The following SOX5 variants were observed in gnomAD, a reference collection of about 807,000 sequenced individuals.
SOX5 encodes transcription factor SOX-5.
SOX5 carries 9 observed loss-of-function variants against 92.0 expected under a neutral mutation model. The observed-to-expected ratio is 0.10, with a 90% confidence interval of 0.06 to 0.17. SOX5 has a LOEUF of 0.17. SOX5 is among the 10% of genes least tolerant of loss of function. SOX5 has a pLI of 1.00. For synonymous variants in SOX5, 344 were observed against 336.3 expected (o/e 1.02, Z -0.25); for missense variants, 642 against 944.5 (o/e 0.68, Z 4.20).
chr12:24,392,643 A>G (rs1233355643), intron 1 of SOX5, among the ~76,000 whole-genome samples: 1 of 151,944 alleles, frequency 6.6e-6, no homozygotes, highest in Non-Finnish European at 1.5e-5. Context: ...ATTAATCGCT[A>G]TCTTCACCTA....
intron 3 of SOX5, among the ~76,000 whole-genome samples, chr12:23,807,455 A>G (rs1441915119): frequency 6.6e-6 from 1 of 152,140 alleles, no homozygotes; most frequent in Non-Finnish European, 1.5e-5. Flanking sequence ...AAAAAATCAC[A>G]AGATAACAGA....
intron 4 of SOX5, among the ~76,000 whole-genome samples, chr12:24,158,167 C>T (rs1952386560): frequency 1.3e-5 from 2 of 151,984 alleles, no homozygotes; most frequent in Non-Finnish European, 2.9e-5. Flanking sequence ...GTAGGTCATA[C>T]TAGCATTCCC....
intron 2 of SOX5, among the ~76,000 whole-genome samples, chr12:23,851,647 T>C (rs779687574): frequency 2.0e-5 from 3 of 152,120 alleles, no homozygotes; most frequent in Non-Finnish European, 4.4e-5. Context: ...ACATAGCTAA[T>C]TGTACTTAGG....
intron 1 of SOX5, among the ~76,000 whole-genome samples, chr12:24,522,934 A>G (rs1348861828): frequency 6.6e-6 from 1 of 151,608 alleles, no homozygotes; most frequent in African/African-American, 2.4e-5. Flanking sequence ...CAACGTAAGG[A>G]AAAAAAAAGA....
chr12:23,766,126 A>G (rs2094718542), intron 3 of SOX5, among the ~76,000 whole-genome samples: 1 of 152,212 alleles, frequency 6.6e-6, no homozygotes, highest in Non-Finnish European at 1.5e-5. Context: ...ATGCTACTAT[A>G]GCAGTATTCC....
At chr12:24,216,032 A>T in intron 3 of SOX5, among the ~76,000 whole-genome samples, 1 of 152,316 alleles carries the variant, frequency 6.6e-6, no homozygotes, top group Non-Finnish European at 1.5e-5. Flanking sequence ...AAGTATTAAT[A>T]TATTTTTAAA....
intron 1 of SOX5, among the ~76,000 whole-genome samples, chr12:24,474,751 G>C (rs1945180037): frequency 6.6e-6 from 1 of 151,950 alleles, no homozygotes; most frequent in African/African-American, 2.4e-5. Flanking sequence ...GGCCATGCTG[G>C]TCTCGAACTC....
chr12:24,032,655 G>T (rs1955626163), intron 4 of SOX5, among the ~76,000 whole-genome samples: 2 of 151,698 alleles, frequency 1.3e-5, no homozygotes, highest in Non-Finnish European at 2.9e-5. Context: ...CATTCAACCA[G>T]GCCATGCCAG....
At chr12:24,347,681 A>G (rs924152043) in intron 2 of SOX5, among the ~76,000 whole-genome samples, 2 of 152,362 alleles carry the variant, frequency 1.3e-5, no homozygotes, top group African/African-American at 4.8e-5. Context: ...AAGAAAATGT[A>G]TCTAAATGAT....
chr12:23,865,005 G>T (rs934639691), intron 2 of SOX5, among the ~76,000 whole-genome samples: 1 of 152,160 alleles, frequency 6.6e-6, no homozygotes, highest in African/African-American at 2.4e-5. Context: ...CCTGTTAGGG[G>T]TCAGTACATC....
chr12:23,982,439 C>T (rs1949660274), intron 4 of SOX5, among the ~76,000 whole-genome samples: 1 of 152,022 alleles, frequency 6.6e-6, no homozygotes, highest in Admixed American at 6.6e-5. Flanking sequence ...AATCTCCATT[C>T]GGAGAATGTA....
intron 1 of SOX5, among the ~76,000 whole-genome samples, chr12:24,469,121 T>C (rs1944522878): frequency 6.6e-6 from 1 of 152,188 alleles, no homozygotes; most frequent in African/African-American, 2.4e-5. Flanking sequence ...CTGGGTGTGA[T>C]GGGAGATACT....
At position 23,575,833 on chromosome 12, in the gene SOX5, T is replaced by G; in HGVS notation, c.1170A>C (p.Glu390Asp). Reference sequence around the variant, plus strand: ...CTGATAGGTTCAGTGGCTGTGCCACTTCATCCTGCAATGATCATTAGAACA... The same window carrying G: ...CTGATAGGTTCAGTGGCTGTGCCACGTCATCCTGCAATGATCATTAGAACA... The part of the protein sequence containing the change: ...TNSPPPKSKD[E>D]VAQPLNLSAK... The change falls in exon 10 of 15, where the codon GAA becomes GAC. Residue 390 changes from glutamate (E) to aspartate (D), a missense_variant. Physicochemically the swap from Glu to Asp is conservative, Grantham distance 45. Coordinates refer to ENST00000451604, the MANE Select transcript of SOX5 (RefSeq NM_006940.6). 2 of 1,563,396 alleles carry G rather than the reference T, an allele frequency of 1.3e-6. No homozygotes were observed. Among genetic ancestry groups the G allele is most frequent in the South Asian group, 1.2e-5 (1 of 82,582 alleles).
intron 4 of SOX5, among the ~76,000 whole-genome samples, chr12:24,027,963 T>G (rs749618283): frequency 2.6e-5 from 4 of 152,028 alleles, no homozygotes; most frequent in Non-Finnish European, 5.9e-5. Context: ...TCCTCCTAAC[T>G]GCGTTGATCA....
At chr12:23,653,840 C>T (rs1252686712) in intron 7 of SOX5, among the ~76,000 whole-genome samples, 1 of 152,058 alleles carries the variant, frequency 6.6e-6, no homozygotes, top group East Asian at 1.9e-4. Flanking sequence ...ATCCCATTCT[C>T]CCCAACTAGA....
At chr12:24,044,028 C>G (rs920819697) in intron 4 of SOX5, among the ~76,000 whole-genome samples, 3 of 152,118 alleles carry the variant, frequency 2.0e-5, no homozygotes, top group Admixed American at 2.0e-4. Context: ...AGTAAATATT[C>G]AAATAAATTG....
chr12:23,660,643 T>G (rs1195362602), intron 7 of SOX5, among the ~76,000 whole-genome samples: 1 of 152,180 alleles, frequency 6.6e-6, no homozygotes, highest in Non-Finnish European at 1.5e-5. Flanking sequence ...AAATAAATTT[T>G]GTTATAATAT....
chr12:23,592,574 G>A (rs1308844934), intron 9 of SOX5, among the ~76,000 whole-genome samples: 2 of 152,116 alleles, frequency 1.3e-5, no homozygotes, highest in Non-Finnish European at 2.9e-5. Flanking sequence ...CTTGGGTTTC[G>A]ACAAATTCCT....
At chr12:23,550,141 A>G (rs1943913275) in intron 11 of SOX5, among the ~76,000 whole-genome samples, 2 of 152,000 alleles carry the variant, frequency 1.3e-5, no homozygotes, top group African/African-American at 4.8e-5. Context: ...AGAAATAGCT[A>G]AAGAGATATG....
Sources: allele counts gnomAD v4.1 joint callset (sites outside exome capture counted in the v4.1 genomes callset), GRCh38; gene constraint gnomAD v4.1.1; transcripts MANE v1.5; gene names NCBI Gene and HGNC (gene_info 2026-07-23, HGNC 2026-07-21).